ZNF135: variants seen among roughly 807,000 people sequenced by gnomAD.
The protein encoded by ZNF135 is zinc finger protein 135 (clone pHZ-17).
In ZNF135, 11 loss-of-function variants were observed where a neutral mutation model predicts 12.3. The observed-to-expected ratio is 0.89, with a 90% CI of 0.56 to 1.48. The LOEUF is 1.48. ZNF135 is among the 40% of genes most tolerant of loss of function. The probability of loss-of-function intolerance (pLI) is 0.00; values close to 1 mark genes in which losing one functional copy is unlikely to be tolerated. For synonymous variants in ZNF135, 316 were observed against 312.0 expected, an observed-to-expected ratio of 1.01 and a Z score of -0.14; for missense variants, 722 against 815.7, an observed-to-expected ratio of 0.89 and a Z score of 1.40.
chr19:58,059,260 C>T (rs2073918993), upstream of ZNF135: 5 of 1,580,440 alleles, frequency 3.2e-6, no homozygotes, highest in South Asian at 1.1e-5. The surrounding 1 kb of genome is among the most constrained non-coding windows in gnomAD (Gnocchi z 6.5). Context: ...AGGCTCGCGC[C>T]GGCGCAGTGT....
Position 58,065,228 on chromosome 19 carries a change from A to G in ZNF135, c.257-1513A>G, listed in dbSNP as rs73056305. Among the ~76,000 whole-genome samples the G allele has an allele frequency of 0.15, 22,071 of 151,950 alleles. 2,000 individuals are homozygous for G. Among genetic ancestry groups the G allele is most frequent in the South Asian group, 0.21 (999 of 4,806 alleles). On this transcript the variant is annotated intron_variant, in intron 4 of 4. Transcript: ENST00000313434. This position sits in a 1 kb window ranked among gnomAD's most constrained non-coding sequence, Gnocchi z 4.0. ...TTTTTTTAAGAGATGGGGTCTTGCT[A>G]TCTTGCCTAGGATGGAGTCCAGTGG...
In ZNF135 at chr19:58,067,783, A is replaced by T. The variant is rs776048323; in HGVS notation, c.1299A>T (p.Thr433=). ...TLLTEHRRIH[T]GEKPYGCNEC... is the part of the protein sequence containing the mutation. Reference sequence around the variant, plus strand: ...TGACCGAGCATCGGAGGATTCACACAGGAGAGAAGCCCTATGGATGCAACG... The same window carrying T: ...TGACCGAGCATCGGAGGATTCACACTGGAGAGAAGCCCTATGGATGCAACG... Residue 433 remains threonine (T), a synonymous_variant, in exon 5 of 5, where the codon ACA becomes ACT. Transcript: ENST00000313434. 2 of 1,614,048 alleles carry T rather than the reference A, an allele frequency of 1.2e-6. No homozygotes were observed. The highest frequency in any genetic ancestry group is 1.7e-6 in the Non-Finnish European group (2 of 1,180,012).
At position 58,067,769 on chromosome 19, in the gene ZNF135, C is replaced by T. The variant is rs375728201; in HGVS notation, c.1285C>T (p.Arg429Trp). 1.0e-4 allele frequency: 169 copies of T among 1,614,114 alleles called. No homozygotes were observed. The highest frequency in any genetic ancestry group is 4.9e-4 in the Middle Eastern group (3 of 6,062). ...TCAGAGCACACTCCTGACCGAGCATCGGAGGATTCACACAGGAGAGAAGCC... is the reference window on the plus strand; with the variant it reads ...TCAGAGCACACTCCTGACCGAGCATTGGAGGATTCACACAGGAGAGAAGCC... ...FSQSTLLTEH[R>W]RIHTGEKPYG... Residue 429 changes from arginine to tryptophan, a missense_variant, in exon 5 of 5, where the codon CGG (arginine) becomes TGG (tryptophan). By Grantham distance (101) the Arg-to-Trp change is moderately radical (BLOSUM62 -3). Transcript: ENST00000313434.
chr19:58,067,433 G>T lies in ZNF135; in HGVS notation c.949G>T (p.Glu317Ter). ...TTTTAGGTCCTCCTTCAGCCAGCACGAGCGAACTCACACAGGCGAGAAGCC... is the reference window on the plus strand; with the variant it reads ...TTTTAGGTCCTCCTTCAGCCAGCACTAGCGAACTCACACAGGCGAGAAGCC... Reference protein sequence around the residue: ...FSFRSSFSQHERTHTGEKPYE... With the variant: ...FSFRSSFSQH Residue 317 changes from glutamate (E) to a stop codon, truncating the protein, a stop_gained, in exon 5 of 5, where the codon GAG becomes TAG. Transcript: ENST00000313434. LOFTEE classifies it low-confidence loss of function (END_TRUNC). 6.2e-7 allele frequency: 1 copy of T among 1,613,992 alleles called. No homozygotes were observed. The highest frequency in any genetic ancestry group is 8.5e-7 in the Non-Finnish European group (1 of 1,179,982).
chr19:58,067,750 C>A lies in ZNF135; in HGVS notation c.1266C>A (p.Ser422Arg). Residue 422 changes from serine to arginine, a missense_variant, in exon 5 of 5, where the codon AGC (serine) becomes AGA (arginine). Physicochemically the swap from Ser to Arg is moderately radical, Grantham distance 110. Transcript: ENST00000313434. The stretch of plus-strand genomic sequence containing the variant: ...AGTGTGGGAAAGCCTTCAGTCAGAG[C>A]ACACTCCTGACCGAGCATCGGAGGA... ...CGECGKAFSQ[S>R]TLLTEHRRIH... The A allele has an allele frequency of 5.6e-6, 9 of 1,614,124 alleles. No individual in the cohort carries two copies. The highest frequency in any genetic ancestry group is 7.6e-6 in the Non-Finnish European group (9 of 1,180,022).
chr19:58,061,480 G>A (rs1446138213), intron 2 of ZNF135, 100 bp from the exon 3 acceptor site: 26 of 1,467,354 alleles, frequency 1.8e-5, no homozygotes, highest in Non-Finnish European at 2.3e-5. Flanking sequence ...CAGACCAAAG[G>A]GAACTCCATC....
Position 58,060,333 on chromosome 19 carries a change from TA to T in ZNF135, c.33+301del, listed in dbSNP as rs1568611031. 3.0e-6 allele frequency: 4 copies of T among 1,325,254 alleles called. No homozygotes were observed. The highest frequency in any genetic ancestry group is 3.9e-6 in the Non-Finnish European group (4 of 1,033,264). 82.1% of individuals were successfully genotyped at this position (1,325,254 alleles called of 1,614,324 possible). A position where few individuals can be genotyped will look rare whatever the true frequency, so the allele number is the denominator to read the frequency against. On this transcript the variant is annotated intron_variant, in intron 2 of 4. Transcript: ENST00000313434. The surrounding 1 kb of genome is among the most constrained non-coding windows in gnomAD (Gnocchi z 4.9). ...GCCTCTACCTGCACACCCGGCCTCC[TA>T]AAGTCCGCGCCAAGCTCCCCAACCA...
rs149795291 is a variant in ZNF135, at chr19:58,068,171, T to A, written c.1687T>A (p.Ser563Thr). Residue 563 changes from serine to threonine, a missense_variant, in exon 5 of 5, where the codon TCC becomes ACC. Ser to Thr is a moderately conservative substitution (Grantham distance 58, BLOSUM62 1). Coordinates refer to ENST00000313434, the MANE Select transcript of ZNF135 (RefSeq NM_001289401.2). ...NQCGRAFSQS[S>T]LLIEHQRIHT... ...GTGTGGCAGAGCCTTCAGCCAGAGC[T>A]CCCTTCTCATCGAACACCAGAGGAT... 1 of 1,612,468 alleles carries A rather than the reference T, an allele frequency of 6.2e-7. No individual in the cohort carries two copies. Among genetic ancestry groups the A allele is most frequent in the African/African-American group, 1.3e-5 (1 of 74,376 alleles).
intron 3 of ZNF135, among the ~76,000 whole-genome samples, chr19:58,062,866 A>AT (rs2074004922): frequency 6.6e-6 from 1 of 151,340 alleles, no homozygotes. Context: ...AATTTTTAAA[A>AT]TTTTTGTAGA....
chr19:58,060,108 C>T lies in ZNF135; in HGVS notation c.33+73C>T, dbSNP rs894877713. ...CTCCTCGCGCGCGGCCTTCTCACGC[C>T]CGGCCTCCTCTTTGCACCCCGTCCC... On this transcript the variant is annotated intron_variant, in intron 2 of 4. Transcript: ENST00000313434. This position sits in a 1 kb window ranked among gnomAD's most constrained non-coding sequence, Gnocchi z 4.9. 3.1e-6 allele frequency: 5 copies of T among 1,602,834 alleles called. No individual in the cohort carries two copies. In the East Asian group the frequency reaches 9.0e-5, roughly 29 times the overall value.
In ZNF135 at chr19:58,067,054, G is replaced by A; in HGVS notation, c.570G>A (p.Trp190Ter). 6.2e-7 allele frequency: 1 copy of A among 1,614,154 alleles called. No homozygotes were observed. The highest frequency in any genetic ancestry group is 2.2e-5 in the East Asian group (1 of 44,892). Residue 190 changes from tryptophan to a stop codon, truncating the protein, a stop_gained, in exon 5 of 5, where the codon TGG becomes TGA. Transcript: ENST00000313434. LOFTEE classifies it low-confidence loss of function (END_TRUNC). ...CTGAAAGACAAAGCCCCCACACATG[G>A]GGAACACGTGGAAAAAGGGAGAAGC... ...MTPERQSPHT[W>*]GTRGKREKPD...
At position 58,067,275 on chromosome 19, in the gene ZNF135, A is replaced by G. The variant is rs1421551680; in HGVS notation, c.791A>G (p.His264Arg). ...SSALTKHQRI[H>R]TGEKPYKCTQ... is the part of the protein sequence containing the mutation. ...GCACTTACCAAACACCAGAGAATCC[A>G]TACTGGGGAGAAACCCTATAAATGC... Residue 264 changes from histidine (H) to arginine (R), a missense_variant, in exon 5 of 5, where the codon CAT (histidine) becomes CGT (arginine). His to Arg is a conservative substitution (Grantham distance 29, BLOSUM62 0). Coordinates refer to ENST00000313434, the MANE Select transcript of ZNF135 (RefSeq NM_001289401.2). The G allele has an allele frequency of 1.2e-6, 2 of 1,614,118 alleles. No individual in the cohort carries two copies. The highest frequency in any genetic ancestry group is 1.1e-5 in the South Asian group (1 of 91,094).
In ZNF135 at chr19:58,061,872, C is replaced by A. The variant is rs1201906431; in HGVS notation, c.160+166C>A. On this transcript the variant is annotated intron_variant, in intron 3 of 4. Coordinates refer to ENST00000313434, the MANE Select transcript of ZNF135 (RefSeq NM_001289401.2). ...TAATGTAGGAAATATCAATTAAGAC[C>A]AATATTAGCAAGTCTCAGACTCAAC... Among the ~76,000 whole-genome samples, 14 of 152,176 alleles carry A rather than the reference C, an allele frequency of 9.2e-5. No individual in the cohort carries two copies. In the East Asian group the frequency reaches 2.7e-3, roughly 29 times the overall value.
At chr19:58,066,673 A>C in intron 4 of ZNF135, 68 bp from the exon 5 acceptor site, 1 of 1,576,166 alleles carries the variant, frequency 6.3e-7, no homozygotes. Context: ...TCCTCTTCCC[A>C]TCTCACCACA....
rs952316553 is a variant in ZNF135 at position 58,067,056 on chromosome 19, G to A, written c.572G>A (p.Gly191Glu). 36 of 1,614,052 alleles carry A rather than the reference G, an allele frequency of 2.2e-5. 1 individual carries two copies. The Admixed American group carries it at 3.7e-4, about 16-fold the overall frequency. The change falls in exon 5 of 5, where the codon GGA (glycine) becomes GAA (glutamate). Residue 191 changes from glycine (G) to glutamate (E), a missense_variant. Transcript: ENST00000313434. ...GAAAGACAAAGCCCCCACACATGGG[G>A]AACACGTGGAAAAAGGGAGAAGCCA... ...TPERQSPHTW[G>E]TRGKREKPDL...
In ZNF135 at chr19:58,059,962, C is replaced by T. The variant is rs1401133569; in HGVS notation, c.-34-7C>T. 18 of 1,612,612 alleles carry T rather than the reference C, an allele frequency of 1.1e-5. No individual in the cohort carries two copies. Among genetic ancestry groups the T allele is most frequent in the Middle Eastern group, 1.7e-4 (1 of 6,052 alleles). On this transcript the variant is annotated splice_polypyrimidine_tract_variant and splice_region_variant and intron_variant, in intron 1 of 4. Coordinates refer to ENST00000313434, the MANE Select transcript of ZNF135 (RefSeq NM_001289401.2). This position sits in a 1 kb window ranked among gnomAD's most constrained non-coding sequence, Gnocchi z 6.5. ...TGCCCCAGCTGCTCACCTCCCCTTT[C>T]CCACAGAGCAGGGCCAGCCGTTCCT...
intron 4 of ZNF135, among the ~76,000 whole-genome samples, chr19:58,066,314 G>A (rs2074064760): frequency 6.6e-6 from 1 of 152,164 alleles, no homozygotes. Flanking sequence ...GTTTTTCTCT[G>A]TTGCCACCTG....
Position 58,068,281 on chromosome 19 carries a change from G to A in ZNF135, c.1797G>A (p.Thr599=), listed in dbSNP as rs749552931. The part of the protein sequence containing the change: ...HSSSLSQHER[T]HTGEKPYECH... Reference sequence around the variant, plus strand: ...CCTCGCTCAGCCAGCACGAAAGGACGCACACTGGGGAAAAGCCCTATGAGT... The same window carrying A: ...CCTCGCTCAGCCAGCACGAAAGGACACACACTGGGGAAAAGCCCTATGAGT... The change falls in exon 5 of 5, where the codon ACG becomes ACA. Residue 599 remains threonine, a synonymous_variant. Coordinates refer to ENST00000313434, the MANE Select transcript of ZNF135 (RefSeq NM_001289401.2). 3.2e-5 allele frequency: 52 copies of A among 1,613,036 alleles called. No homozygotes were observed. The highest frequency in any genetic ancestry group is 3.4e-5 in the Non-Finnish European group (40 of 1,179,802).
At position 58,059,547 on chromosome 19, in the gene ZNF135, A is replaced by T. The variant is rs2073930871; in HGVS notation, c.-35+237A>T. 6.6e-6 allele frequency among the ~76,000 whole-genome samples: 1 copy of T among 151,990 alleles called. No homozygotes were observed. Among genetic ancestry groups the T allele is most frequent in the Admixed American group, 6.5e-5 (1 of 15,284 alleles). On this transcript the variant is annotated intron_variant, in intron 1 of 4. Transcript: ENST00000313434. The surrounding 1 kb of genome is among the most constrained non-coding windows in gnomAD (Gnocchi z 6.5). The stretch of plus-strand genomic sequence containing the variant: ...AGGGCGGGGCCCAACGCCCAGCTGG[A>T]CAGGAGCTGCTCCGACGGCCCCTGA...
Sources: gnomAD v4.1 joint callset for allele counts (sites outside exome capture counted in the v4.1 genomes callset) on GRCh38, gnomAD v4.1.1 for gene constraint, Gnocchi (gnomAD v3.1) non-coding constraint, MANE v1.5 for transcripts, NCBI Gene and HGNC (gene_info 2026-07-23, HGNC 2026-07-21) for gene names.